PPIL6: variants seen among roughly 807,000 people sequenced by gnomAD.
The protein encoded by PPIL6 is peptidylprolyl isomerase like 6.
Under a neutral mutation model 36.8 loss-of-function variants are expected in PPIL6, and 39 were observed. That is an observed-to-expected ratio of 1.06 (90% CI 0.82 to 1.38). The LOEUF (loss-of-function observed/expected upper bound fraction) is 1.38. Among genes scored for constraint, PPIL6 ranks in the 40% most tolerant of loss-of-function variants. The probability of loss-of-function intolerance (pLI) is 0.00; values close to 1 mark genes in which losing one functional copy is unlikely to be tolerated. For missense variants in PPIL6, 368 were observed against 379.1 expected, an observed-to-expected ratio of 0.97 and a Z score of 0.24; for synonymous variants, 123 against 134.1, an observed-to-expected ratio of 0.92 and a Z score of 0.57.
chr6:109,440,502 C>T lies in PPIL6; in HGVS notation c.89G>A (p.Gly30Glu). The T allele has an allele frequency of 6.5e-7, 1 of 1,534,062 alleles. No individual in the cohort carries two copies. The highest frequency in any genetic ancestry group is 8.8e-7 in the Non-Finnish European group (1 of 1,140,442). ...PERPLQVKVV[G>E]LFSCPNFQIA... ...CTGAAAGTTGGGGCAGCTGAAGAGC[C>T]CCACCACCTTCACCTGCAGCGGCCG... Residue 30 changes from glycine to glutamate, a missense_variant, in exon 1 of 8, where the codon GGG (glycine) becomes GAG (glutamate). Coordinates refer to ENST00000521072, the MANE Select transcript of PPIL6 (RefSeq NM_173672.5).
chr6:109,407,627 G>A (rs1772855983), intron 6 of PPIL6, among the ~76,000 whole-genome samples: 1 of 152,054 alleles, frequency 6.6e-6, no homozygotes, highest in Admixed American at 6.6e-5. Flanking sequence ...CAAACAAAAT[G>A]ATGAAATTTT....
chr6:109,431,184 A>C lies in PPIL6; in HGVS notation c.393T>G (p.Phe131Leu). The change falls in exon 3 of 8, where the codon TTT becomes TTG. Residue 131 changes from phenylalanine (F) to leucine (L), a missense_variant. Phe to Leu is a conservative substitution (Grantham distance 22). Coordinates refer to ENST00000521072, the MANE Select transcript of PPIL6 (RefSeq NM_173672.5). ...TGGTGTCTCTTAAGAACTTAGCGGA[A>C]AAATCCTCAGTGAGTGCGTCATAAA... is the stretch of plus-strand genomic sequence containing the variant. ...SALYDALTED[F>L]SAKFLRDTKH... The C allele has an allele frequency of 6.2e-7, 1 of 1,610,180 alleles. No individual in the cohort carries two copies. Among genetic ancestry groups the C allele is most frequent in the Non-Finnish European group, 8.5e-7 (1 of 1,178,010 alleles).
chr6:109,400,787 C>T (rs895482217), intron 6 of PPIL6, among the ~76,000 whole-genome samples: 8 of 152,124 alleles, frequency 5.3e-5, no homozygotes, highest in African/African-American at 1.9e-4. Flanking sequence ...ATGTACTTTC[C>T]CATTCCATGT....
intron 5 of PPIL6, among the ~76,000 whole-genome samples, chr6:109,424,886 A>G (rs1773735009): frequency 6.6e-6 from 1 of 152,230 alleles, no homozygotes; most frequent in South Asian, 2.1e-4. Context: ...ATCAAGAAAT[A>G]GCCATAAAAA....
chr6:109,405,046 C>T (rs777385853), intron 6 of PPIL6: 8 of 385,522 alleles, frequency 2.1e-5, no homozygotes, highest in East Asian at 2.0e-4. Flanking sequence ...AGAGAGACTC[C>T]GTCTCAAAAA....
chr6:109,416,994 C>A (rs1307932617), intron 6 of PPIL6, among the ~76,000 whole-genome samples: 1 of 151,610 alleles, frequency 6.6e-6, no homozygotes, highest in African/African-American at 2.4e-5. Flanking sequence ...AGAGCAAGAC[C>A]CCATCTCTAC....
At chr6:109,422,592 A>AT (rs1292126431) in intron 5 of PPIL6, among the ~76,000 whole-genome samples, 1 of 152,192 alleles carries the variant, frequency 6.6e-6, no homozygotes, top group African/African-American at 2.4e-5. Flanking sequence ...CTGTCTCAAA[A>AT]AAAAAAGAAT....
intron 7 of PPIL6, among the ~76,000 whole-genome samples, chr6:109,395,505 A>T (rs1772257989): frequency 6.6e-6 from 1 of 151,622 alleles, no homozygotes; most frequent in African/African-American, 2.4e-5. Flanking sequence ...TGGCTGTCAT[A>T]CTGGGCCGTG....
chr6:109,401,558 G>A (rs1772538350), intron 6 of PPIL6, among the ~76,000 whole-genome samples: 1 of 152,088 alleles, frequency 6.6e-6, no homozygotes, highest in Admixed American at 6.6e-5. Context: ...ACTGAATAAA[G>A]ACCCCTGAAA....
At chr6:109,439,514 C>G (rs543912141) in intron 1 of PPIL6, among the ~76,000 whole-genome samples, 6 of 152,234 alleles carry the variant, frequency 3.9e-5, no homozygotes, top group African/African-American at 1.4e-4. Flanking sequence ...CGCCACCACG[C>G]CCGGCTAATT....
chr6:109,420,088 C>T (rs558391528), intron 5 of PPIL6, among the ~76,000 whole-genome samples: 4 of 152,052 alleles, frequency 2.6e-5, no homozygotes, highest in South Asian at 2.1e-4. Context: ...AATCCCAGCA[C>T]TTTGGGAGGC....
In PPIL6 at chr6:109,400,128, C is replaced by A; in HGVS notation, c.731G>T (p.Gly244Val). The A allele has an allele frequency of 6.2e-7, 1 of 1,613,388 alleles. No individual in the cohort carries two copies. Among genetic ancestry groups the A allele is most frequent in the Non-Finnish European group, 8.5e-7 (1 of 1,179,502 alleles). The change falls in exon 7 of 8, where the codon GGA becomes GTA. Residue 244 changes from glycine (G) to valine (V), a missense_variant. Physicochemically the swap from Gly to Val is moderately radical, Grantham distance 109. Coordinates refer to ENST00000521072, the MANE Select transcript of PPIL6 (RefSeq NM_173672.5). Reference sequence around the variant, plus strand: ...GCTGTGACGGCCTTTGTTGGCCATTCCAAGTACTCCTCTTTTATTATGAGG... The same window carrying A: ...GCTGTGACGGCCTTTGTTGGCCATTACAAGTACTCCTCTTTTATTATGAGG... ...SVPHNKRGVL[G>V]MANKGRHSNG...
intron 5 of PPIL6, among the ~76,000 whole-genome samples, chr6:109,419,848 C>T (rs1004333728): frequency 2.0e-5 from 3 of 151,994 alleles, no homozygotes; most frequent in Admixed American, 1.3e-4. Flanking sequence ...ATTTTATAAG[C>T]ACTTTTACAT....
At chr6:109,440,257 C>T (rs1190167743) in intron 1 of PPIL6, 199 bp downstream of exon 1, 1 of 708,674 alleles carries the variant, frequency 1.4e-6, no homozygotes, top group Non-Finnish European at 2.5e-6. Context: ...AACGCCCGCC[C>T]CCGGACCCGC....
intron 7 of PPIL6, among the ~76,000 whole-genome samples, chr6:109,397,001 C>G (rs561648483): frequency 6.6e-6 from 1 of 151,080 alleles, no homozygotes; most frequent in Non-Finnish European, 1.5e-5. Flanking sequence ...AGAGGCAGCC[C>G]TACAACTGGG....
chr6:109,400,286 A>T, intron 6 of PPIL6, 116 bp from the exon 7 acceptor site: 8 of 781,120 alleles, frequency 1.0e-5, no homozygotes, highest in Non-Finnish European at 1.5e-5. Flanking sequence ...TTATCAATGG[A>T]TTCCAAATTG....
At chr6:109,426,267 G>A (rs1773808898) in intron 5 of PPIL6, among the ~76,000 whole-genome samples, 1 of 152,146 alleles carries the variant, frequency 6.6e-6, no homozygotes, top group African/African-American at 2.4e-5. Context: ...CCAATTATGT[G>A]TAAATTACTG....
intron 5 of PPIL6, among the ~76,000 whole-genome samples, chr6:109,420,591 G>C (rs943941800): frequency 6.6e-6 from 1 of 152,078 alleles, no homozygotes; most frequent in Non-Finnish European, 1.5e-5. Context: ...GCTAAAAGAG[G>C]AGCAAAGCTA....
chr6:109,427,813 C>G (rs945784645), intron 3 of PPIL6, among the ~76,000 whole-genome samples: 1 of 152,174 alleles, frequency 6.6e-6, no homozygotes, highest in Non-Finnish European at 1.5e-5. Context: ...AATAGCCACA[C>G]CTAGTGTGGG....
Sources: gnomAD v4.1 joint callset for allele counts (sites outside exome capture counted in the v4.1 genomes callset) on GRCh38, gnomAD v4.1.1 for gene constraint, MANE v1.5 for transcripts, NCBI Gene and HGNC (gene_info 2026-07-23, HGNC 2026-07-21) for gene names.